TRAK1: variants seen among roughly 807,000 people sequenced by gnomAD.
TRAK1 encodes trafficking kinesin protein 1, also known as trafficking kinesin-binding protein 1.
In TRAK1, 33 loss-of-function variants were observed where a neutral mutation model predicts 92.1. That is an observed-to-expected ratio of 0.36 (90% CI 0.27 to 0.48). TRAK1 has a LOEUF of 0.48. Among genes scored for constraint, TRAK1 ranks in the 20% least tolerant of loss-of-function variants. The pLI is 0.99. For synonymous variants in TRAK1, 521 were observed against 517.3 expected (o/e 1.01, Z -0.10); for missense variants, 1,123 against 1,257.9 (o/e 0.89, Z 1.62).
chr3:42,124,479 T>C (rs1710303999), intron 1 of TRAK1, among the ~76,000 whole-genome samples: 1 of 152,226 alleles, frequency 6.6e-6, no homozygotes, highest in African/African-American at 2.4e-5. Flanking sequence ...AGGGTACATA[T>C]CCTGGTTATG....
At chr3:42,101,580 A>T (rs1016309821) in intron 1 of TRAK1, among the ~76,000 whole-genome samples, 1 of 152,200 alleles carries the variant, frequency 6.6e-6, no homozygotes, top group South Asian at 2.1e-4. Context: ...AAAGGGCCAG[A>T]GAGTAAATCT....
At chr3:42,204,344 C>T (rs901050303) in intron 13 of TRAK1, among the ~76,000 whole-genome samples, 4 of 152,120 alleles carry the variant, frequency 2.6e-5, no homozygotes, top group African/African-American at 9.7e-5. Flanking sequence ...ATGTTTTAGC[C>T]AGTTCATCTT....
intron 2 of TRAK1, among the ~76,000 whole-genome samples, chr3:42,169,146 C>CT (rs61450430): frequency 0.75 from 111,269 of 148,020 alleles, 41,972 homozygotes; most frequent in East Asian, 0.98. Context: ...TTCTTTCTTT[C>CT]TTTTTTTTTT....
At chr3:42,073,114 C>T (rs1431386017) in intron 1 of TRAK1, among the ~76,000 whole-genome samples, 2 of 152,202 alleles carry the variant, frequency 1.3e-5, no homozygotes, top group East Asian at 1.9e-4. Context: ...TGAAGTCATT[C>T]GAGCAGAATC....
At chr3:42,138,294 G>A (rs377290015) in intron 2 of TRAK1, among the ~76,000 whole-genome samples, 3 of 152,092 alleles carry the variant, frequency 2.0e-5, no homozygotes, top group East Asian at 3.8e-4. Context: ...ACAAATCGTC[G>A]AAAATAATTT....
At chr3:42,188,207 C>T (rs1229517668) in intron 5 of TRAK1, 62 bp downstream of exon 5, 6 of 1,513,282 alleles carry the variant, frequency 4.0e-6, no homozygotes, top group Non-Finnish European at 5.5e-6. Context: ...TGTTGATGTC[C>T]TTGGAGTCAC....
Position 42,223,006 on chromosome 3 carries a change from A to G in TRAK1, c.2131A>G (p.Thr711Ala). The G allele has an allele frequency of 6.2e-7, 1 of 1,614,028 alleles. No individual in the cohort carries two copies. Among genetic ancestry groups the G allele is most frequent in the Non-Finnish European group, 8.5e-7 (1 of 1,180,002 alleles). ...TSHLKSTPVA[T>A]PCTPRRLSLA... ...CCACTTGAAATCCACGCCGGTGGCC[A>G]CACCATGCACTCCACGGAGACTGAG... Residue 711 changes from threonine to alanine, a missense_variant, in exon 16 of 16, where the codon ACA becomes GCA. By Grantham distance (58) the Thr-to-Ala change is moderately conservative. Around this residue, in one of 3 missense-constraint regions of TRAK1, gnomAD observed 401 missense variants for 438.9 expected, o/e 0.91. Coordinates refer to ENST00000327628, the MANE Select transcript of TRAK1 (RefSeq NM_001042646.3). This position sits in a 1 kb window ranked among gnomAD's most constrained non-coding sequence, Gnocchi z 6.1.
intron 14 of TRAK1, among the ~76,000 whole-genome samples, chr3:42,213,876 A>T (rs1171697475): frequency 1.3e-5 from 2 of 152,110 alleles, no homozygotes; most frequent in Admixed American, 6.5e-5. Context: ...TATGGCAGTT[A>T]TGAGGGAGTT....
intron 3 of TRAK1, 122 bp downstream of exon 3, chr3:42,177,012 G>T: frequency 1.1e-6 from 1 of 876,736 alleles, no homozygotes; most frequent in Non-Finnish European, 1.8e-6. Flanking sequence ...CTCTTTCGAG[G>T]TATAATTTAA....
At chr3:42,063,344 C>T (rs1299152800) in intron 1 of TRAK1, among the ~76,000 whole-genome samples, 1 of 152,256 alleles carries the variant, frequency 6.6e-6, no homozygotes, top group Non-Finnish European at 1.5e-5. Flanking sequence ...ACATTCCCCA[C>T]TGCCCCTGCC....
chr3:42,134,882 T>G (rs1416189649), intron 2 of TRAK1, among the ~76,000 whole-genome samples: 1 of 152,014 alleles, frequency 6.6e-6, no homozygotes, highest in Non-Finnish European at 1.5e-5. Flanking sequence ...CCTGGCCTTT[T>G]TTTTTTCTTT....
chr3:42,038,976 A>G (rs1399188224), intron 1 of TRAK1, among the ~76,000 whole-genome samples: 1 of 151,770 alleles, frequency 6.6e-6, no homozygotes, highest in Non-Finnish European at 1.5e-5. Flanking sequence ...CCAATTAGTG[A>G]TTTTTAATAT....
At chr3:42,144,515 A>G (rs1699088354) in intron 2 of TRAK1, among the ~76,000 whole-genome samples, 1 of 152,184 alleles carries the variant, frequency 6.6e-6, no homozygotes, top group Non-Finnish European at 1.5e-5. Context: ...CCAAAAGCCC[A>G]TGCTCTTAAC....
chr3:42,207,822 A>G (rs571790356), intron 13 of TRAK1, among the ~76,000 whole-genome samples: 51 of 152,324 alleles, frequency 3.3e-4, no homozygotes, highest in African/African-American at 1.2e-3. Context: ...TTCTCGAAAC[A>G]TCTGAGAGTT....
chr3:42,217,929 T>G (rs1044505956), intron 14 of TRAK1: 3 of 985,222 alleles, frequency 3.0e-6, no homozygotes, highest in African/African-American at 3.5e-5. Context: ...TTGAGAAAGA[T>G]TCATAAAGGC....
At chr3:42,219,812 T>A (rs1710155598) in intron 15 of TRAK1, among the ~76,000 whole-genome samples, 1 of 134,372 alleles carries the variant, frequency 7.4e-6, no homozygotes. Flanking sequence ...TTTTTTTTTT[T>A]TGAGGCAGAG....
At chr3:42,093,483 A>C (rs1198711961) in intron 1 of TRAK1, among the ~76,000 whole-genome samples, 1 of 152,040 alleles carries the variant, frequency 6.6e-6, no homozygotes, top group Non-Finnish European at 1.5e-5. Flanking sequence ...AAATTTATTT[A>C]AAATGTCATT....
At chr3:42,100,599 A>G (rs1706608109) in intron 1 of TRAK1, among the ~76,000 whole-genome samples, 1 of 152,182 alleles carries the variant, frequency 6.6e-6, no homozygotes, top group Non-Finnish European at 1.5e-5. Flanking sequence ...GGAGATTCTG[A>G]TGGGGGTGTA....
At chr3:42,183,214 A>C (rs1470440604) in intron 3 of TRAK1, among the ~76,000 whole-genome samples, 1 of 152,232 alleles carries the variant, frequency 6.6e-6, no homozygotes. Flanking sequence ...TGCTGTTACT[A>C]AAATGGTTTC....
Sources: gnomAD v4.1 joint callset for allele counts (sites outside exome capture counted in the v4.1 genomes callset) on GRCh38, gnomAD v4.1.1 for gene constraint, gnomAD v4.1.1 regional missense constraint, Gnocchi (gnomAD v3.1) non-coding constraint, MANE v1.5 for transcripts, NCBI Gene and HGNC (gene_info 2026-07-23, HGNC 2026-07-21) for gene names.